Variants in CSTPP1 observed in about 807,000 individuals in gnomAD.
CSTPP1 encodes the protein centriolar satellite-associated tubulin polyglutamylase complex regulator 1.
the CSTPP1 span, among the ~76,000 whole-genome samples, chr11:47,122,089 A>T: frequency 0.032 from 1,926 of 60,792 alleles, 21 homozygotes; most frequent in Non-Finnish European, 0.046. Flanking sequence ...AAAAAAAAAA[A>T]AAATATATAT....
At chr11:47,092,460 G>A in the CSTPP1 span, among the ~76,000 whole-genome samples, 3 of 152,114 alleles carry the variant, frequency 2.0e-5, no homozygotes, top group African/African-American at 7.2e-5. Context: ...ACCTATAAGA[G>A]AATTATGAGA....
chr11:47,075,525 T>G, the CSTPP1 span, among the ~76,000 whole-genome samples: 3 of 152,086 alleles, frequency 2.0e-5, no homozygotes, highest in Non-Finnish European at 2.9e-5. Flanking sequence ...AAAACTGATT[T>G]GGTAAAGAAA....
At chr11:47,145,151 CT>C in the CSTPP1 span, among the ~76,000 whole-genome samples, 2 of 151,958 alleles carry the variant, frequency 1.3e-5, no homozygotes, top group East Asian at 3.9e-4. Flanking sequence ...CCATGCCTGG[CT>C]AATTTTTGTA....
At chr11:46,946,848 A>C in the CSTPP1 span, among the ~76,000 whole-genome samples, 1 of 152,206 alleles carries the variant, frequency 6.6e-6, no homozygotes, top group Non-Finnish European at 1.5e-5. Context: ...TTTTCTCTCT[A>C]AAATCTAGCA....
the CSTPP1 span, among the ~76,000 whole-genome samples, chr11:47,156,803 C>A: frequency 6.6e-6 from 1 of 152,254 alleles, no homozygotes; most frequent in African/African-American, 2.4e-5. Flanking sequence ...AACAACTGAG[C>A]CAAGGATGGG....
At chr11:47,162,287 GA>G in the CSTPP1 span, 96 of 984,044 alleles carry the variant, frequency 9.8e-5, no homozygotes, top group African/African-American at 1.6e-3. Flanking sequence ...GGAGAAGGGA[GA>G]GGGGGAGTTT....
At chr11:47,036,968 AC>A in the CSTPP1 span, among the ~76,000 whole-genome samples, 25 of 127,404 alleles carry the variant, frequency 2.0e-4, 6 homozygotes, top group Non-Finnish European at 3.5e-4. Context: ...GGAGTGAGCC[AC>A]CACGCCCAGC....
the CSTPP1 span, among the ~76,000 whole-genome samples, chr11:47,061,531 G>A: frequency 3.3e-5 from 5 of 152,114 alleles, no homozygotes; most frequent in African/African-American, 1.2e-4. Context: ...GATTAATAGC[G>A]CTTTACTACA....
At chr11:47,130,462 C>A in the CSTPP1 span, among the ~76,000 whole-genome samples, 65 of 152,276 alleles carry the variant, frequency 4.3e-4, no homozygotes, top group African/African-American at 1.5e-3. Flanking sequence ...CATTTCCCTC[C>A]ATTTATAATA....
chr11:47,128,187 C>G, the CSTPP1 span, among the ~76,000 whole-genome samples: 5 of 151,288 alleles, frequency 3.3e-5, no homozygotes, highest in Non-Finnish European at 7.4e-5. Flanking sequence ...AGCCTGTACT[C>G]TTAACCATTG....
chr11:47,054,397 G>C, the CSTPP1 span, among the ~76,000 whole-genome samples: 1 of 150,456 alleles, frequency 6.6e-6, no homozygotes, highest in Admixed American at 6.6e-5. Flanking sequence ...CTATAACCTT[G>C]AGCTTCCAGG....
At chr11:47,036,183 T>TA in the CSTPP1 span, among the ~76,000 whole-genome samples, 2 of 56,808 alleles carry the variant, frequency 3.5e-5, no homozygotes, top group East Asian at 6.0e-4. Context: ...TATATAAATA[T>TA]ATATTTATAT....
At chr11:46,957,300 T>C in the CSTPP1 span, among the ~76,000 whole-genome samples, 1 of 152,234 alleles carries the variant, frequency 6.6e-6, no homozygotes, top group Non-Finnish European at 1.5e-5. Flanking sequence ...TTTTAGTGCA[T>C]ATTTCCTAAA....
the CSTPP1 span, among the ~76,000 whole-genome samples, chr11:47,106,121 C>T: frequency 9.2e-5 from 14 of 152,172 alleles, no homozygotes; most frequent in Non-Finnish European, 1.8e-4. Flanking sequence ...ACACACCTTG[C>T]ATGAGGTCAG....
chr11:46,973,471 G>C, the CSTPP1 span, among the ~76,000 whole-genome samples: 1 of 152,160 alleles, frequency 6.6e-6, no homozygotes, highest in East Asian at 1.9e-4. Flanking sequence ...GTCCACAGCT[G>C]GTAGAGTATA....
At chr11:47,030,272 C>T in the CSTPP1 span, among the ~76,000 whole-genome samples, 1 of 152,184 alleles carries the variant, frequency 6.6e-6, no homozygotes, top group African/African-American at 2.4e-5. Flanking sequence ...GACTCAACTG[C>T]CATCATCCAG....
chr11:47,098,317 T>TA, the CSTPP1 span, among the ~76,000 whole-genome samples: 5 of 146,632 alleles, frequency 3.4e-5, no homozygotes, highest in African/African-American at 5.0e-5. Flanking sequence ...AAAATAAATT[T>TA]AAAAAAAAAA....
At chr11:47,108,648 T>C in the CSTPP1 span, among the ~76,000 whole-genome samples, 1 of 151,446 alleles carries the variant, frequency 6.6e-6, no homozygotes, top group African/African-American at 2.4e-5. Context: ...CAGGACTTGA[T>C]TGGAGAATTA....
the CSTPP1 span, among the ~76,000 whole-genome samples, chr11:46,950,614 CCTTTTTT>C: frequency 2.0e-5 from 3 of 151,280 alleles, no homozygotes; most frequent in Non-Finnish European, 2.9e-5. Flanking sequence ...TTTCTTTTTT[CCTTTTTT>C]CTTTTTTTGA....
Sources: allele counts gnomAD v4.1 joint callset (sites outside exome capture counted in the v4.1 genomes callset), GRCh38; gene constraint gnomAD v4.1.1; transcripts MANE v1.5; gene names NCBI Gene and HGNC (gene_info 2026-07-23, HGNC 2026-07-21).